The following RIF1 variants were observed in gnomAD, a reference collection of about 807,000 sequenced individuals.
RIF1 encodes telomere-associated protein RIF1.
In RIF1, 45 loss-of-function variants were observed where a neutral mutation model predicts 247.1. That is an observed-to-expected ratio of 0.18 (90% CI 0.14 to 0.23). RIF1 has a LOEUF of 0.23. Among genes scored for constraint, RIF1 ranks in the 10% least tolerant of loss-of-function variants. The pLI is 1.00. For missense variants in RIF1, 2,967 were observed against 2,862.5 expected, an observed-to-expected ratio of 1.04 and a Z score of -0.83; for synonymous variants, 1,087 against 978.8, an observed-to-expected ratio of 1.11 and a Z score of -2.06.
chr2:151,497,710 G>A lies in RIF1; in HGVS notation c.*514-1635G>A, dbSNP rs376221776. 1.9e-6 allele frequency: 3 copies of A among 1,576,478 alleles called. No individual in the cohort carries two copies. Among genetic ancestry groups the A allele is most frequent in the Non-Finnish European group, 2.6e-6 (3 of 1,158,832 alleles). On this transcript the variant is annotated intron_variant and NMD_transcript_variant, in intron 10 of 13. Transcript: ENST00000454583. ...GGGTTCCCTTGCCCATGTTTTCTTT[G>A]TATAACACCTGTGCGATAAGAAAGC...
At chr2:151,462,116 A>G (rs1054156860) in intron 27 of RIF1, 126 bp from the exon 28 acceptor site, 11 of 500,594 alleles carry the variant, frequency 2.2e-5, no homozygotes, top group African/African-American at 2.0e-4. Flanking sequence ...CAAGCAGCCC[A>G]CCCACCTCAA....
At chr2:151,429,072 C>T (rs1431739574) in intron 9 of RIF1, 150 bp downstream of exon 9, 18 of 588,416 alleles carry the variant, frequency 3.1e-5, no homozygotes, top group Non-Finnish European at 5.0e-5. Context: ...TAAATTTGTA[C>T]TGAAAATAGA....
At chr2:151,507,155 G>A (rs2069771661) in intron 13 of RIF1, 1 of 570,502 alleles carries the variant, frequency 1.8e-6, no homozygotes, top group African/African-American at 1.9e-5. Flanking sequence ...GGTAGCCCAA[G>A]GGAAATTATT....
intron 6 of RIF1, among the ~76,000 whole-genome samples, chr2:151,417,564 A>G (rs952444939): frequency 1.3e-5 from 2 of 152,358 alleles, no homozygotes; most frequent in African/African-American, 4.8e-5. Context: ...TGAAAGTCTC[A>G]GAAAAATTGC....
At chr2:151,414,748 G>T in intron 3 of RIF1, 75 bp from the exon 4 acceptor site, 2 of 957,228 alleles carry the variant, frequency 2.1e-6, no homozygotes, top group Non-Finnish European at 3.3e-6. Context: ...TGCTTGTTCT[G>T]TAATCAACTT....
intron 8 of RIF1, among the ~76,000 whole-genome samples, chr2:151,428,209 A>T (rs1034955002): frequency 2.6e-5 from 4 of 152,216 alleles, no homozygotes; most frequent in Non-Finnish European, 5.9e-5. Flanking sequence ...AGCCTGGGCG[A>T]CAGAGCGAGA....
At chr2:151,526,298 T>A in the RIF1 span, 1 of 1,363,944 alleles carries the variant, frequency 7.3e-7, no homozygotes, top group Non-Finnish European at 1.0e-6. Flanking sequence ...TCTTTAGCTC[T>A]GCTGGATATC....
Position 151,414,846 on chromosome 2 carries a change from G to A in RIF1, c.207G>A (p.Ser69=), listed in dbSNP as rs771155602. 1.8e-5 allele frequency: 29 copies of A among 1,609,984 alleles called. No homozygotes were observed. The highest frequency in any genetic ancestry group is 3.3e-5 in the South Asian group (3 of 89,900). The change falls in exon 4 of 36, where the codon TCG becomes TCA. Residue 69 remains serine (S), a synonymous_variant. Coordinates refer to ENST00000444746, the MANE Select transcript of RIF1 (RefSeq NM_018151.5). ...VLKTHISSQN[S]ELSSAALQAL... ...AGACTCACATTTCCAGTCAAAACTC[G>A]GAGCTGAGTAGTGCTGCTCTACAAG...
chr2:151,462,534 C>A, intron 29 of RIF1, 68 bp downstream of exon 29: 2 of 978,096 alleles, frequency 2.0e-6, no homozygotes, highest in South Asian at 1.7e-5. Context: ...TGTTAAACTG[C>A]TGAAATGTCT....
rs1430830839 is a variant in RIF1 at position 151,454,978 on chromosome 2, G to C, written c.2428G>C (p.Val810Leu). 1.2e-6 allele frequency: 2 copies of C among 1,613,332 alleles called. No homozygotes were observed. The highest frequency in any genetic ancestry group is 2.2e-5 in the South Asian group (2 of 90,960). ...LTSLFKLIVK[V>L]IYSFHTLSFK... ...TTCTTTATTTAAACTTATTGTGAAAGTGATCTATTCTTTCCACACACTGAG... is the reference window on the plus strand; with the variant it reads ...TTCTTTATTTAAACTTATTGTGAAACTGATCTATTCTTTCCACACACTGAG... The change falls in exon 22 of 36, where the codon GTG becomes CTG. Residue 810 changes from valine to leucine, a missense_variant. Physicochemically the swap from Val to Leu is conservative, Grantham distance 32. Coordinates refer to ENST00000444746, the MANE Select transcript of RIF1 (RefSeq NM_018151.5).
At chr2:151,494,294 GAGTTAAC>G in intron 9 of RIF1, 1 of 1,353,962 alleles carries the variant, frequency 7.4e-7, no homozygotes, top group South Asian at 1.3e-5. Context: ...AAAAGAAAAA[GAGTTAAC>G]AGTTACCAAA....
Position 151,410,489 on chromosome 2 carries a change from C to A in RIF1, c.66C>A (p.Ser22=). 2.5e-6 allele frequency: 4 copies of A among 1,614,074 alleles called. No homozygotes were observed. Residue 22 remains serine (S), a synonymous_variant, in exon 2 of 36, where the codon TCC becomes TCA. Coordinates refer to ENST00000444746, the MANE Select transcript of RIF1 (RefSeq NM_018151.5). Reference sequence around the variant, plus strand: ...AGACTTTGGAAGACCCTTCTGCCTCCCATGGAGGGCAGACTGACGCTTACC... The same window carrying A: ...AGACTTTGGAAGACCCTTCTGCCTCACATGGAGGGCAGACTGACGCTTACC... ...LLETLEDPSA[S]HGGQTDAYLT... is the part of the protein sequence containing the mutation.
the RIF1 span, chr2:151,518,905 A>C: frequency 8.5e-7 from 1 of 1,178,896 alleles, no homozygotes; most frequent in South Asian, 1.3e-5. Context: ...CTGGGCTCAG[A>C]AAGAATTTAG....
downstream of RIF1, among the ~76,000 whole-genome samples, chr2:151,510,021 G>A (rs905140562): frequency 2.0e-5 from 3 of 152,212 alleles, no homozygotes; most frequent in African/African-American, 7.2e-5. Context: ...ATGTCTTTGT[G>A]TAAGTGTTCA....
the RIF1 span, chr2:151,533,548 T>C: frequency 3.2e-6 from 5 of 1,544,258 alleles, no homozygotes; most frequent in Non-Finnish European, 4.4e-6. Context: ...ATATTTTCTC[T>C]GTCCATGCAA....
chr2:151,485,319 TGCTC>T (rs2049550576), downstream of RIF1: 1 of 153,096 alleles, frequency 6.5e-6, no homozygotes, highest in Non-Finnish European at 1.5e-5. Context: ...ACATAAATAA[TGCTC>T]ATTCCATCCA....
At chr2:151,519,869 TAG>T in the RIF1 span, 2 of 733,660 alleles carry the variant, frequency 2.7e-6, no homozygotes, top group Middle Eastern at 2.5e-4. Context: ...GCATTGTACA[TAG>T]AGTGATCATA....
chr2:151,436,947 T>G lies in RIF1; in HGVS notation c.1316T>G (p.Leu439Trp). The G allele has an allele frequency of 5.0e-6, 8 of 1,614,148 alleles. No homozygotes were observed. Among genetic ancestry groups the G allele is most frequent in the Non-Finnish European group, 6.8e-6 (8 of 1,179,994 alleles). ...GGACTTGAAATGTTGCTTCATTTCT[T>G]GTTGGGTCCAGAAGCCTTGAGTTTT... ...LLGLEMLLHFLLGPEALSFAK... is the reference protein window; with the variant it reads ...LLGLEMLLHFWLGPEALSFAK... The change falls in exon 12 of 36, where the codon TTG becomes TGG. Residue 439 changes from leucine to tryptophan, a missense_variant. Physicochemically the swap from Leu to Trp is moderately conservative, Grantham distance 61 (BLOSUM62 -2). Around this residue, in one of 7 missense-constraint regions of RIF1, gnomAD observed 369 missense variants for 322.0 expected, o/e 1.15. Transcript: ENST00000444746.
rs763927695 is a variant in RIF1, at chr2:151,498,386, GCAAT to G, written c.*514-952_*514-949del. On this transcript the variant is annotated intron_variant and NMD_transcript_variant, in intron 10 of 13. Transcript: ENST00000454583. ...TGAGAAAGCATCCAGAACAAAAAAA[GCAAT>G]CAATCAGTCATTTTCCCCCTGCTTT... 1.1e-5 allele frequency: 16 copies of G among 1,449,800 alleles called. No homozygotes were observed. In the African/African-American group the frequency reaches 1.4e-4, roughly 13 times the overall value. The allele number at this position is 1,449,800 out of a possible 1,614,324, so 89.8% of individuals were successfully genotyped here. A position where few individuals can be genotyped will look rare whatever the true frequency, so the allele number is the denominator to read the frequency against.
Sources: allele counts gnomAD v4.1 joint callset (sites outside exome capture counted in the v4.1 genomes callset), GRCh38; gene constraint gnomAD v4.1.1; regional missense constraint gnomAD v4.1.1; transcripts MANE v1.5; gene names NCBI Gene and HGNC (gene_info 2026-07-23, HGNC 2026-07-21).